The following SLC35F3 variants were observed in gnomAD, a reference collection of about 807,000 sequenced individuals.
SLC35F3 encodes solute carrier family 35 member F3.
A neutral mutation model predicts 49.9 loss-of-function variants in SLC35F3; 25 were observed. That is an observed-to-expected ratio of 0.50 (90% CI 0.37 to 0.70). The LOEUF (loss-of-function observed/expected upper bound fraction) is 0.70. Ranked by LOEUF, SLC35F3 falls within the 30% of genes least tolerant of loss-of-function variation. The pLI is 0.00. For synonymous variants in SLC35F3, 275 were observed against 265.4 expected (o/e 1.04, Z -0.35); for missense variants, 525 against 639.8 (o/e 0.82, Z 1.94).
chr1:234,180,017 G>A (rs187403705), intron 2 of SLC35F3, among the ~76,000 whole-genome samples: 5 of 152,292 alleles, frequency 3.3e-5, no homozygotes, highest in East Asian at 1.9e-4. Flanking sequence ...CCTATAGCTC[G>A]ATCCTAGAAT....
chr1:234,196,086 C>T (rs1187755022), intron 2 of SLC35F3, among the ~76,000 whole-genome samples: 1 of 152,080 alleles, frequency 6.6e-6, no homozygotes, highest in Non-Finnish European at 1.5e-5. Context: ...AGGAGGGGCT[C>T]AGACACTGGA....
At chr1:234,275,256 TA>T (rs1173795875) in intron 3 of SLC35F3, among the ~76,000 whole-genome samples, 8 of 152,036 alleles carry the variant, frequency 5.3e-5, no homozygotes, top group Non-Finnish European at 8.8e-5. Flanking sequence ...ATCAGAAACG[TA>T]AATGGTTTTC....
At chr1:233,981,111 G>A (rs2884389) in intron 2 of SLC35F3, among the ~76,000 whole-genome samples, 5 of 152,158 alleles carry the variant, frequency 3.3e-5, no homozygotes, top group Admixed American at 6.5e-5. Context: ...AGTTTTCCCC[G>A]CTGGTAGCAT....
chr1:234,140,861 T>G (rs1393759094), intron 2 of SLC35F3, among the ~76,000 whole-genome samples: 6 of 152,142 alleles, frequency 3.9e-5, no homozygotes. Context: ...GAAATTCAAT[T>G]TAAGCCTCAA....
At chr1:234,131,307 G>C (rs1325218424) in intron 2 of SLC35F3, among the ~76,000 whole-genome samples, 1 of 152,156 alleles carries the variant, frequency 6.6e-6, no homozygotes, top group Non-Finnish European at 1.5e-5. Flanking sequence ...GTGAATATTT[G>C]CATATCTATG....
intron 2 of SLC35F3, among the ~76,000 whole-genome samples, chr1:234,144,886 A>G (rs1468614357): frequency 2.0e-5 from 3 of 152,206 alleles, no homozygotes; most frequent in Non-Finnish European, 4.4e-5. Flanking sequence ...AGCCAAGAGG[A>G]CAAGGAATAC....
intron 2 of SLC35F3, among the ~76,000 whole-genome samples, chr1:234,063,502 G>A (rs1281190144): frequency 6.6e-6 from 1 of 152,128 alleles, no homozygotes; most frequent in Non-Finnish European, 1.5e-5. Context: ...CAGAGGTTTG[G>A]GGAGTTCCTT....
rs149419788 is a variant in SLC35F3, at chr1:233,947,857, G to A, written c.283+42099G>A. On this transcript the variant is annotated intron_variant, in intron 2 of 7. Transcript: ENST00000366618. ...AGCCAAAAAAAGAGAAGTCTTAGTG[G>A]GCATTATCAAAGTTTGTTCTTCCTC... Among the ~76,000 whole-genome samples the A allele has an allele frequency of 4.4e-3, 644 of 146,492 alleles. 5 individuals are homozygous for A. The highest frequency in any genetic ancestry group is 0.012 in the Middle Eastern group (3 of 256).
intron 3 of SLC35F3, among the ~76,000 whole-genome samples, chr1:234,306,897 G>T (rs75405637): frequency 0.032 from 4,861 of 152,288 alleles, 123 homozygotes; most frequent in African/African-American, 0.063. Context: ...AGTGAGCCAG[G>T]TGGAACTTGG....
chr1:234,290,580 C>A (rs1450519562), intron 3 of SLC35F3, among the ~76,000 whole-genome samples: 1 of 152,208 alleles, frequency 6.6e-6, no homozygotes, highest in East Asian at 1.9e-4. Flanking sequence ...GGATAGGACA[C>A]TCATCAACAG....
At chr1:234,143,862 T>TA (rs1665956505) in intron 2 of SLC35F3, among the ~76,000 whole-genome samples, 5 of 152,194 alleles carry the variant, frequency 3.3e-5, no homozygotes, top group Admixed American at 3.3e-4. Context: ...CTGACTTCAT[T>TA]TCCTTTAGGA....
At chr1:234,049,696 G>A (rs1248641650) in intron 2 of SLC35F3, among the ~76,000 whole-genome samples, 12 of 152,084 alleles carry the variant, frequency 7.9e-5, no homozygotes, top group Non-Finnish European at 1.3e-4. Context: ...ATGCAGGTTT[G>A]TTACATATGT....
intron 2 of SLC35F3, among the ~76,000 whole-genome samples, chr1:234,145,855 A>G (rs1318745591): frequency 1.3e-5 from 2 of 152,132 alleles, no homozygotes; most frequent in African/African-American, 2.4e-5. Context: ...CGATCATATC[A>G]TCTTTCTCTT....
At chr1:233,921,216 A>G (rs745460547) in intron 2 of SLC35F3, among the ~76,000 whole-genome samples, 5 of 152,270 alleles carry the variant, frequency 3.3e-5, no homozygotes, top group Admixed American at 6.5e-5. Flanking sequence ...AACACTATGT[A>G]ATTTTTTAAT....
intron 2 of SLC35F3, chr1:234,212,728 A>G (rs1667061525): frequency 6.6e-6 from 1 of 152,194 alleles, no homozygotes; most frequent in Non-Finnish European, 1.5e-5. Context: ...TACTATATAT[A>G]ATAAATTTTA....
At chr1:234,268,129 G>A (rs1558091962) in intron 3 of SLC35F3, among the ~76,000 whole-genome samples, 3 of 152,090 alleles carry the variant, frequency 2.0e-5, no homozygotes, top group African/African-American at 7.2e-5. Flanking sequence ...GTTGTAGCGA[G>A]CCGAGATCAC....
intron 2 of SLC35F3, 121 bp downstream of exon 2, chr1:233,905,879 T>TA: frequency 1.1e-6 from 1 of 944,068 alleles, no homozygotes; most frequent in Non-Finnish European, 1.6e-6. Context: ...TGCCTGCTGA[T>TA]ACAGACCCAG....
intron 2 of SLC35F3, among the ~76,000 whole-genome samples, chr1:234,072,054 AT>A (rs1003401621): frequency 1.1e-4 from 16 of 152,340 alleles, no homozygotes; most frequent in Admixed American, 1.0e-3. Context: ...TTAGAGTCAG[AT>A]TTATGTAAGT....
At chr1:234,074,834 T>C (rs548218808) in intron 2 of SLC35F3, among the ~76,000 whole-genome samples, 58 of 152,290 alleles carry the variant, frequency 3.8e-4, no homozygotes, top group African/African-American at 1.3e-3. Flanking sequence ...ACTGTTGGCA[T>C]TGAAGAAAGG....
Sources: gnomAD v4.1 joint callset for allele counts (sites outside exome capture counted in the v4.1 genomes callset) on GRCh38, gnomAD v4.1.1 for gene constraint, MANE v1.5 for transcripts, NCBI Gene and HGNC (gene_info 2026-07-23, HGNC 2026-07-21) for gene names.